Variants in CERS4 observed in about 807,000 individuals in gnomAD.
The protein encoded by CERS4 is LAG1 homolog, ceramide synthase 4.
CERS4 carries 65 observed loss-of-function variants against 51.8 expected under a neutral mutation model. The observed-to-expected ratio is 1.26, with a 90% CI of 1.03 to 1.54. CERS4 has a LOEUF of 1.54. CERS4 is among the 40% of genes most tolerant of loss of function. CERS4 has a pLI of 0.00. For synonymous variants in CERS4, 228 were observed against 208.4 expected (o/e 1.09, Z -0.81); for missense variants, 563 against 500.4 (o/e 1.13, Z -1.19).
At chr19:8,245,004 C>T (rs905869957) in intron 2 of CERS4, among the ~76,000 whole-genome samples, 2 of 150,716 alleles carry the variant, frequency 1.3e-5, no homozygotes, top group East Asian at 2.0e-4. Context: ...ATTAGCCGGG[C>T]GTAGTGGCGG....
intron 2 of CERS4, among the ~76,000 whole-genome samples, chr19:8,243,826 G>A (rs1396740449): frequency 3.6e-5 from 5 of 140,114 alleles, no homozygotes; most frequent in East Asian, 2.5e-4. Flanking sequence ...ACACGCCCAC[G>A]GGAACATTTT....
chr19:8,226,854 C>T (rs1051898825), intron 2 of CERS4, among the ~76,000 whole-genome samples: 4 of 151,772 alleles, frequency 2.6e-5, no homozygotes, highest in Admixed American at 6.6e-5. Flanking sequence ...TTAGGCCAGG[C>T]GCAGTGGCTC....
At chr19:8,249,883 C>T (rs1045941476) in intron 2 of CERS4, among the ~76,000 whole-genome samples, 3 of 152,068 alleles carry the variant, frequency 2.0e-5, no homozygotes, top group Non-Finnish European at 2.9e-5. Context: ...AGCCACTGAG[C>T]CCGGCCTCTG....
intron 2 of CERS4, among the ~76,000 whole-genome samples, chr19:8,248,811 T>C (rs1049272811): frequency 6.2e-5 from 9 of 144,922 alleles, no homozygotes; most frequent in Admixed American, 5.4e-4. Flanking sequence ...TAGATGATGT[T>C]TGTATGGGTT....
intron 2 of CERS4, among the ~76,000 whole-genome samples, chr19:8,225,935 C>T (rs576615824): frequency 2.0e-5 from 3 of 152,094 alleles, no homozygotes; most frequent in East Asian, 3.9e-4. Flanking sequence ...GTGACTCACG[C>T]CTGTAATTCC....
At chr19:8,214,750 C>T (rs1388336528) in intron 2 of CERS4, among the ~76,000 whole-genome samples, 3 of 152,020 alleles carry the variant, frequency 2.0e-5, no homozygotes, top group Admixed American at 6.6e-5. Flanking sequence ...AGGAAGCTGG[C>T]AGGAGGAAGG....
intron 2 of CERS4, among the ~76,000 whole-genome samples, chr19:8,248,965 G>A (rs1434921631): frequency 6.6e-6 from 1 of 151,134 alleles, no homozygotes; most frequent in African/African-American, 2.4e-5. Flanking sequence ...TGGATGGACA[G>A]ATGTTTTGAT....
intron 2 of CERS4, chr19:8,250,764 G>C: frequency 9.3e-7 from 1 of 1,080,252 alleles, no homozygotes; most frequent in Non-Finnish European, 1.1e-6. Context: ...CTACTACTCT[G>C]TTTTACAGAT....
At chr19:8,223,848 C>T (rs867977398) in intron 2 of CERS4, among the ~76,000 whole-genome samples, 1 of 152,030 alleles carries the variant, frequency 6.6e-6, no homozygotes, top group South Asian at 2.1e-4. Flanking sequence ...CCTGTAATCC[C>T]AGCACTTTGG....
chr19:8,251,733 G>A (rs1463151621), intron 3 of CERS4, among the ~76,000 whole-genome samples: 2 of 151,970 alleles, frequency 1.3e-5, no homozygotes, highest in Non-Finnish European at 1.5e-5. Context: ...GAACCTGGGA[G>A]GTGGAGGTTG....
At chr19:8,257,187 C>T in intron 9 of CERS4, 110 bp downstream of exon 9, 2 of 1,132,292 alleles carry the variant, frequency 1.8e-6, no homozygotes, top group Non-Finnish European at 2.5e-6. Context: ...GGAGCCCCAC[C>T]CCTCCTGTCT....
intron 10 of CERS4, chr19:8,261,315 G>T: frequency 4.9e-6 from 1 of 205,310 alleles, no homozygotes. Context: ...TTCCTGACAT[G>T]AAGCCCCTCC....
At chr19:8,234,020 G>A (rs899972379) in intron 2 of CERS4, among the ~76,000 whole-genome samples, 3 of 145,976 alleles carry the variant, frequency 2.1e-5, no homozygotes, top group African/African-American at 7.6e-5. Context: ...CAAAATAAGA[G>A]AGTCGGCTGG....
chr19:8,245,643 A>G (rs1968746931), intron 2 of CERS4, among the ~76,000 whole-genome samples: 1 of 151,822 alleles, frequency 6.6e-6, no homozygotes. Context: ...GGGTTCAAGC[A>G]ATTCTCCTGC....
At position 8,245,117 on chromosome 19, in the gene CERS4, A is replaced by AC. The variant is rs1260338046; in HGVS notation, c.-1-5959_-1-5958insC. ...ACCGAGCGAGACTCCATCTCAAAAA[A>AC]AAAAAAAAAAAAAAAAAACACTCTT... On this transcript the variant is annotated intron_variant, in intron 2 of 11. Coordinates refer to ENST00000251363, the MANE Select transcript of CERS4 (RefSeq NM_024552.3). Among the ~76,000 whole-genome samples, 718 of 143,184 alleles carry AC rather than the reference A, an allele frequency of 5.0e-3. 20 individuals are homozygous for AC. The highest frequency in any genetic ancestry group is 0.023 in the Admixed American group (334 of 14,426). 93.9% of individuals were successfully genotyped at this position (143,184 alleles called of 152,430 possible).
At chr19:8,236,364 G>C (rs1030081530) in intron 2 of CERS4, among the ~76,000 whole-genome samples, 8 of 152,100 alleles carry the variant, frequency 5.3e-5, no homozygotes, top group African/African-American at 1.9e-4. Flanking sequence ...TATATGCTAG[G>C]TGTTTCTTAA....
chr19:8,247,734 T>C (rs73008774), intron 2 of CERS4, among the ~76,000 whole-genome samples: 45,009 of 128,514 alleles, frequency 0.35, 8,063 homozygotes, highest in Non-Finnish European at 0.44. Flanking sequence ...CTCCGCATCT[T>C]TTTTTTTTTT....
chr19:8,261,823 T>C lies in CERS4; in HGVS notation c.984T>C (p.Tyr328=). 1 of 1,614,130 alleles carries C rather than the reference T, an allele frequency of 6.2e-7. No homozygotes were observed. The highest frequency in any genetic ancestry group is 8.5e-7 in the Non-Finnish European group (1 of 1,180,000). Residue 328 remains tyrosine (Y), a synonymous_variant, in exon 11 of 12, where the codon TAT becomes TAC. Transcript: ENST00000251363. The stretch of plus-strand genomic sequence containing the variant: ...CTTGCCTCATTCTGCGCATGCTCTA[T>C]AGCTTCATGAAGAAGGGCCAGGTAT... ...FWSCLILRML[Y]SFMKKGQMEK...
At chr19:8,257,110 T>C (rs1599594072) in intron 9 of CERS4, 33 bp downstream of exon 9, 1 of 1,558,694 alleles carries the variant, frequency 6.4e-7, no homozygotes, top group South Asian at 1.2e-5. Context: ...CCTTCCCAGC[T>C]GCTGTACCCA....
Sources: gnomAD v4.1 joint callset for allele counts (sites outside exome capture counted in the v4.1 genomes callset) on GRCh38, gnomAD v4.1.1 for gene constraint, MANE v1.5 for transcripts, NCBI Gene and HGNC (gene_info 2026-07-23, HGNC 2026-07-21) for gene names.